The following DIABLO variants were observed in gnomAD, a reference collection of about 807,000 sequenced individuals.
DIABLO encodes diablo homolog, mitochondrial.
DIABLO carries 32 observed loss-of-function variants against 31.7 expected under a neutral mutation model. The observed-to-expected ratio is 1.01, with a 90% CI of 0.76 to 1.35. The LOEUF is 1.35. Among genes scored for constraint, DIABLO ranks in the 40% most tolerant of loss-of-function variants. The probability of loss-of-function intolerance (pLI) is 0.00; values close to 1 mark genes in which losing one functional copy is unlikely to be tolerated. For synonymous variants in DIABLO, 132 were observed against 103.2 expected, an observed-to-expected ratio of 1.28 and a Z score of -1.69; for missense variants, 316 against 286.4, an observed-to-expected ratio of 1.10 and a Z score of -0.75.
intron 5 of DIABLO, among the ~76,000 whole-genome samples, chr12:122,213,171 C>T (rs1166298836): frequency 6.6e-6 from 1 of 150,404 alleles, no homozygotes; most frequent in Admixed American, 6.7e-5. Context: ...GCTTAGGCAT[C>T]CCGAAGTGCT....
chr12:122,226,150 C>A (rs751481847), upstream of DIABLO: 10 of 1,331,448 alleles, frequency 7.5e-6, no homozygotes, highest in South Asian at 1.3e-4. Context: ...CGGGATTGGG[C>A]AGGCAGGGGG....
At chr12:122,225,918 C>T (rs1270759572) in intron 1 of DIABLO, 47 bp downstream of exon 1, 3 of 1,557,284 alleles carry the variant, frequency 1.9e-6, no homozygotes, top group African/African-American at 1.4e-5. Context: ...CTGTCCGCGT[C>T]GGTCCCTCCC....
Position 122,225,951 on chromosome 12 carries a change from G to C in DIABLO, c.50+14C>G, listed in dbSNP as rs530872002. 1.3e-6 allele frequency: 2 copies of C among 1,586,868 alleles called. No homozygotes were observed. The highest frequency in any genetic ancestry group is 1.7e-6 in the Non-Finnish European group (2 of 1,167,294). On this transcript the variant is annotated intron_variant, in intron 1 of 5. Transcript: ENST00000464942. ...CCCTCTGGTCCTGTCCCCTCTACGC[G>C]GCCGCAGCGGTACCTGAAGAATGAA...
chr12:122,212,790 A>T lies in DIABLO; in HGVS notation c.523+3698T>A, dbSNP rs551398513. The stretch of plus-strand genomic sequence containing the variant: ...CAGGCACCCGCCACCACACATAGCT[A>T]ATTTTTTTGTATTTTTAGTAGAGAC... On this transcript the variant is annotated intron_variant, in intron 5 of 5. Transcript: ENST00000464942. Among the ~76,000 whole-genome samples, 23 of 151,296 alleles carry T rather than the reference A, an allele frequency of 1.5e-4. No individual in the cohort carries two copies. The South Asian group carries it at 4.6e-3, about 30-fold the overall frequency.
At chr12:122,214,345 C>T (rs1018149175) in intron 5 of DIABLO, among the ~76,000 whole-genome samples, 2 of 152,064 alleles carry the variant, frequency 1.3e-5, no homozygotes, top group African/African-American at 4.8e-5. Flanking sequence ...CACACCCAGC[C>T]CTTTGTATCA....
At chr12:122,214,200 C>G (rs982389899) in intron 5 of DIABLO, among the ~76,000 whole-genome samples, 1 of 152,092 alleles carries the variant, frequency 6.6e-6, no homozygotes. Context: ...TATATCTTTT[C>G]TTTGAGATGG....
chr12:122,227,265 G>A (rs948431080), upstream of DIABLO: 2 of 409,554 alleles, frequency 4.9e-6, no homozygotes, highest in Non-Finnish European at 9.9e-6. Flanking sequence ...TCATCAGACA[G>A]TAGGAACCCT....
intron 2 of DIABLO, chr12:122,218,749 G>C (rs1476550697): frequency 6.2e-6 from 2 of 322,996 alleles, no homozygotes; most frequent in Non-Finnish European, 1.2e-5. Context: ...AGACGATCCT[G>C]GCCAACATGG....
intron 3 of DIABLO, among the ~76,000 whole-genome samples, chr12:122,217,994 A>G (rs1227424471): frequency 1.0e-4 from 15 of 146,606 alleles, no homozygotes; most frequent in Non-Finnish European, 2.2e-4. Context: ...AAAAAAAAAA[A>G]GGTTCCTGGG....
intron 5 of DIABLO, 112 bp from the exon 6 acceptor site, chr12:122,208,689 T>C (rs1228377901): frequency 1.9e-6 from 2 of 1,055,202 alleles, no homozygotes; most frequent in Admixed American, 4.0e-5. Flanking sequence ...TTGGGGTCAC[T>C]TTCCTTGACC....
At chr12:122,227,367 T>C (rs1426277161), upstream of DIABLO, 2 of 453,656 alleles carry the variant, frequency 4.4e-6, no homozygotes, top group Non-Finnish European at 8.8e-6. Context: ...TGGCAAAGTT[T>C]CCACGAATCT....
rs759465984 is a variant in DIABLO at position 122,216,769 on chromosome 12, GCTC to G, written c.413_415del (p.Gly138del). On this transcript the variant is annotated inframe_deletion, in exon 4 of 6. Transcript: ENST00000464942. ...GAACTTTCTGCTTACCTCAGCTCTG[GCTC>G]CTATGATCACCTGCCACACTTCATC... is the stretch of plus-strand genomic sequence containing the variant. 142 of 1,614,030 alleles carry G rather than the reference GCTC, an allele frequency of 8.8e-5. No individual in the cohort carries two copies. The highest frequency in any genetic ancestry group is 1.2e-4 in the Non-Finnish European group (139 of 1,179,938).
chr12:122,215,226 G>C (rs1815197105), intron 5 of DIABLO, among the ~76,000 whole-genome samples: 1 of 151,940 alleles, frequency 6.6e-6, no homozygotes, highest in African/African-American at 2.4e-5. Context: ...AGGTTGCAGT[G>C]AGCTGAGAAA....
chr12:122,218,508 A>G, intron 2 of DIABLO, 111 bp from the exon 3 acceptor site: 1 of 1,368,934 alleles, frequency 7.3e-7, no homozygotes. Context: ...TTTAGGCTGA[A>G]ACTGCACTAT....
chr12:122,222,436 A>C (rs1954352739), intron 2 of DIABLO: 1 of 152,148 alleles, frequency 6.6e-6, no homozygotes, highest in African/African-American at 2.4e-5. Context: ...CCCTGTCCCT[A>C]CTACAAATAC....
At chr12:122,216,348 A>G in intron 5 of DIABLO, 140 bp downstream of exon 5, 1 of 712,874 alleles carries the variant, frequency 1.4e-6, no homozygotes, top group Non-Finnish European at 2.4e-6. Flanking sequence ...TATGTAGGAA[A>G]TGGGGAAAAT....
At chr12:122,214,953 CCTT>C (rs1321726632) in intron 5 of DIABLO, among the ~76,000 whole-genome samples, 1 of 152,176 alleles carries the variant, frequency 6.6e-6, no homozygotes, top group Non-Finnish European at 1.5e-5. Flanking sequence ...GATCCGCCCT[CCTT>C]GGCCCCCCAA....
rs1329183907 is a variant in DIABLO, at chr12:122,224,648, G to T, written c.51-4C>A. 2 of 1,614,026 alleles carry T rather than the reference G, an allele frequency of 1.2e-6. No individual in the cohort carries two copies. Among genetic ancestry groups the T allele is most frequent in the African/African-American group, 2.7e-5 (2 of 74,906 alleles). ...AACACACAAACACTGTCTGTACCTG[G>T]AAGTAGAAGTCAGATTTCATAAGGC... On this transcript the variant is annotated splice_region_variant and splice_polypyrimidine_tract_variant and intron_variant, in intron 1 of 5. Transcript: ENST00000464942.
intron 1 of DIABLO, 179 bp downstream of exon 1, chr12:122,225,786 C>A: frequency 2.1e-6 from 3 of 1,455,392 alleles, no homozygotes; most frequent in Non-Finnish European, 2.7e-6. Context: ...CCGGGCTTGA[C>A]CCAGGGGGCG....
Sources: allele counts gnomAD v4.1 joint callset (sites outside exome capture counted in the v4.1 genomes callset), GRCh38; gene constraint gnomAD v4.1.1; transcripts MANE v1.5; gene names NCBI Gene and HGNC (gene_info 2026-07-23, HGNC 2026-07-21).